Variants in CXCL13 observed in about 807,000 individuals in gnomAD.
CXCL13 encodes the protein C-X-C motif chemokine 13.
Under a neutral mutation model 12.2 loss-of-function variants are expected in CXCL13, and 7 were observed. The ratio of observed to expected loss-of-function variants is 0.57; its 90% CI spans 0.33 to 1.07. CXCL13 has a LOEUF of 1.07. CXCL13 is among the 50% of genes least tolerant of loss of function. The pLI, the probability that CXCL13 is intolerant of heterozygous loss-of-function variation, is 0.04. For missense variants in CXCL13, 113 were observed against 127.4 expected (o/e 0.89, Z 0.55); for synonymous variants, 47 against 42.4 (o/e 1.11, Z -0.42).
intron 1 of CXCL13, among the ~76,000 whole-genome samples, chr4:77,522,599 G>A (rs1342727392): frequency 1.6e-5 from 2 of 127,530 alleles, no homozygotes; most frequent in Admixed American, 9.2e-5. Context: ...GAGCTTATGT[G>A]TGTCTCTGCA....
At chr4:77,553,390 TG>T (rs1222207040) in intron 1 of CXCL13, among the ~76,000 whole-genome samples, 1 of 152,234 alleles carries the variant, frequency 6.6e-6, no homozygotes, top group Non-Finnish European at 1.5e-5. Context: ...TGTATGTGCC[TG>T]GGTTAAAAAT....
intron 1 of CXCL13, among the ~76,000 whole-genome samples, chr4:77,539,605 C>G (rs1578043878): frequency 6.6e-6 from 1 of 152,188 alleles, no homozygotes; most frequent in East Asian, 1.9e-4. Context: ...AGGCATTCTT[C>G]TTTTACCAGT....
intron 1 of CXCL13, among the ~76,000 whole-genome samples, chr4:77,539,974 T>C (rs575971079): frequency 6.6e-6 from 1 of 152,274 alleles, no homozygotes; most frequent in Non-Finnish European, 1.5e-5. Flanking sequence ...TCCTTGACCA[T>C]TGGGTCAGAA....
upstream of CXCL13, among the ~76,000 whole-genome samples, chr4:77,603,982 G>A (rs1726946857): frequency 6.6e-6 from 1 of 152,208 alleles, no homozygotes; most frequent in Admixed American, 6.5e-5. Flanking sequence ...TTGCCAGGCT[G>A]AGCTCAGACT....
intron 1 of CXCL13, among the ~76,000 whole-genome samples, chr4:77,556,161 G>T (rs1725652557): frequency 6.6e-6 from 1 of 152,196 alleles, no homozygotes; most frequent in Non-Finnish European, 1.5e-5. Flanking sequence ...AATGCTCATA[G>T]TAGCTTTATT....
intron 1 of CXCL13, among the ~76,000 whole-genome samples, chr4:77,579,198 G>A (rs1023264608): frequency 6.6e-6 from 1 of 152,186 alleles, no homozygotes; most frequent in Admixed American, 6.5e-5. Flanking sequence ...CTCACTGAAG[G>A]CACCCACATT....
intron 1 of CXCL13, among the ~76,000 whole-genome samples, chr4:77,531,417 G>A (rs1724914326): frequency 6.6e-6 from 1 of 151,418 alleles, no homozygotes; most frequent in African/African-American, 2.4e-5. Context: ...GAGACAGTTT[G>A]TTATAATTTC....
At chr4:77,606,653 C>T (rs1213061710) in intron 1 of CXCL13, among the ~76,000 whole-genome samples, 3 of 152,192 alleles carry the variant, frequency 2.0e-5, no homozygotes, top group African/African-American at 4.8e-5. Context: ...GCATTCTCCA[C>T]GGGGCTTTCC....
chr4:77,543,675 T>C (rs922027087), intron 1 of CXCL13, among the ~76,000 whole-genome samples: 2 of 152,190 alleles, frequency 1.3e-5, no homozygotes, highest in African/African-American at 2.4e-5. Flanking sequence ...GAAAAGATCA[T>C]CTTGGTATTT....
intron 1 of CXCL13, among the ~76,000 whole-genome samples, chr4:77,571,590 C>T (rs1189261017): frequency 2.6e-5 from 4 of 151,764 alleles, no homozygotes; most frequent in Non-Finnish European, 5.9e-5. Flanking sequence ...CTGATGGGGA[C>T]GTGGAGAACC....
intron 1 of CXCL13, among the ~76,000 whole-genome samples, chr4:77,558,755 C>T (rs1042515556): frequency 4.6e-5 from 7 of 152,176 alleles, no homozygotes; most frequent in Non-Finnish European, 7.4e-5. Context: ...CTTATTTTTA[C>T]TCAACAAAGG....
At chr4:77,562,964 CA>C (rs781640191) in intron 1 of CXCL13, among the ~76,000 whole-genome samples, 81 of 152,246 alleles carry the variant, frequency 5.3e-4, no homozygotes, top group Admixed American at 2.4e-3. Context: ...TGGCAACCCC[CA>C]TGGGTCCCCT....
intron 1 of CXCL13, among the ~76,000 whole-genome samples, chr4:77,557,509 C>T (rs1290222516): frequency 1.3e-5 from 2 of 152,190 alleles, no homozygotes; most frequent in Non-Finnish European, 2.9e-5. Flanking sequence ...TTCTTGGCTG[C>T]CCTTCTAGTT....
chr4:77,524,512 G>A (rs1724711753), intron 1 of CXCL13, among the ~76,000 whole-genome samples: 1 of 152,130 alleles, frequency 6.6e-6, no homozygotes, highest in African/African-American at 2.4e-5. Flanking sequence ...CCATGGGCAT[G>A]GGACCTGCCA....
chr4:77,572,433 AACAG>A (rs1288021623), intron 1 of CXCL13, among the ~76,000 whole-genome samples: 1 of 151,860 alleles, frequency 6.6e-6, no homozygotes, highest in Admixed American at 6.5e-5. Context: ...AAAGGACATG[AACAG>A]ACACTTTTCA....
At chr4:77,543,177 CT>C (rs199885881) in intron 1 of CXCL13, among the ~76,000 whole-genome samples, 2,113 of 151,942 alleles carry the variant, frequency 0.014, 46 homozygotes, top group African/African-American at 0.049. Context: ...TCTCTAAGGG[CT>C]TTTTGTATTT....
chr4:77,560,323 A>C (rs1370894852), intron 1 of CXCL13, among the ~76,000 whole-genome samples: 1 of 152,182 alleles, frequency 6.6e-6, no homozygotes, highest in African/African-American at 2.4e-5. Context: ...CTGACTCCAA[A>C]GTCAATCTTA....
At chr4:77,604,336 GC>G (rs1329267653), upstream of CXCL13, among the ~76,000 whole-genome samples, 88 of 152,232 alleles carry the variant, frequency 5.8e-4, 1 homozygote, top group African/African-American at 2.0e-3. Flanking sequence ...GCCCAATTCA[GC>G]CTCCTTCCTC....
chr4:77,528,441 T>G (rs1304674525), intron 1 of CXCL13, among the ~76,000 whole-genome samples: 1 of 152,204 alleles, frequency 6.6e-6, no homozygotes, highest in Non-Finnish European at 1.5e-5. Flanking sequence ...CAGCACCTGT[T>G]GTTTCCTGAC....
Sources: allele counts gnomAD v4.1 joint callset (sites outside exome capture counted in the v4.1 genomes callset), GRCh38; gene constraint gnomAD v4.1.1; transcripts MANE v1.5; gene names NCBI Gene and HGNC (gene_info 2026-07-23, HGNC 2026-07-21).